CROCC: variants seen among roughly 807,000 people sequenced by gnomAD.
The protein encoded by CROCC is rootletin.
Under a neutral mutation model 245.2 loss-of-function variants are expected in CROCC, and 180 were observed. That is an observed-to-expected ratio of 0.73 (90% CI 0.65 to 0.83). The LOEUF (loss-of-function observed/expected upper bound fraction) is 0.83. Ranked by LOEUF, CROCC falls within the 40% of genes least tolerant of loss-of-function variation. CROCC has a pLI of 0.00. For synonymous variants in CROCC, 1,205 were observed against 1,241.6 expected, an observed-to-expected ratio of 0.97 and a Z score of 0.62; for missense variants, 2,688 against 2,779.4, an observed-to-expected ratio of 0.97 and a Z score of 0.74.
At chr1:16,916,764 T>C (rs1054392195) in intron 1 of CROCC, among the ~76,000 whole-genome samples, 7 of 152,290 alleles carry the variant, frequency 4.6e-5, no homozygotes, top group Non-Finnish European at 8.8e-5. Context: ...CCTCCTACCT[T>C]GGCCTCCCAA....
At position 16,946,903 on chromosome 1, in the gene CROCC, G is replaced by C. The variant is rs774725309; in HGVS notation, c.2426G>C (p.Arg809Pro). 3 of 1,563,888 alleles carry C rather than the reference G, an allele frequency of 1.9e-6. No individual in the cohort carries two copies. In the East Asian group the frequency reaches 7.1e-5, roughly 37 times the overall value. ...CGGCAGGGCCTGGAGGGCTCCCTACGAGTGGCGGAGCAGGCCCAGGAGGCA... is the reference window on the plus strand; with the variant it reads ...CGGCAGGGCCTGGAGGGCTCCCTACCAGTGGCGGAGCAGGCCCAGGAGGCA... ...VARQGLEGSL[R>P]VAEQAQEALE... Residue 809 changes from arginine (R) to proline (P), a missense_variant, in exon 17 of 37, where the codon CGA (arginine) becomes CCA (proline). Around this residue, in one of 9 missense-constraint regions of CROCC, gnomAD observed 295 missense variants for 241.7 expected, o/e 1.22. Coordinates refer to ENST00000375541, the MANE Select transcript of CROCC (RefSeq NM_014675.5).
chr1:16,943,304 G>A (rs1385414835), intron 13 of CROCC, among the ~76,000 whole-genome samples: 6 of 152,136 alleles, frequency 3.9e-5, no homozygotes, highest in African/African-American at 9.7e-5. Flanking sequence ...TTGGGAGGCC[G>A]AGGCGGGCAG....
At chr1:16,952,162 C>G (rs1557623390) in intron 20 of CROCC, among the ~76,000 whole-genome samples, 1 of 147,804 alleles carries the variant, frequency 6.8e-6, no homozygotes. Context: ...GCTGGGATTA[C>G]AGGCATGAGC....
intron 3 of CROCC, among the ~76,000 whole-genome samples, chr1:16,926,899 G>A (rs534686135): frequency 2.6e-5 from 4 of 152,294 alleles, no homozygotes; most frequent in African/African-American, 9.6e-5. Context: ...TGAATTGCAA[G>A]TAAAATTGAA....
chr1:16,954,921 C>A lies in CROCC; in HGVS notation c.3465+44C>A. 1 of 1,474,240 alleles carries A rather than the reference C, an allele frequency of 6.8e-7. No individual in the cohort carries two copies. Among genetic ancestry groups the A allele is most frequent in the Non-Finnish European group, 9.1e-7 (1 of 1,104,600 alleles). The allele number at this position is 1,474,240 out of a possible 1,614,324, so 91.3% of individuals were successfully genotyped here. On this transcript the variant is annotated intron_variant, in intron 23 of 36. Transcript: ENST00000375541. The surrounding 1 kb of genome is among the most constrained non-coding windows in gnomAD (Gnocchi z 4.4). Reference sequence around the variant, plus strand: ...CTTCCAAGCAGCATACCCTAAATGGCACTGTGTGCCTGGGGGCCTAGTTCC... The same window carrying A: ...CTTCCAAGCAGCATACCCTAAATGGAACTGTGTGCCTGGGGGCCTAGTTCC...
upstream of CROCC, among the ~76,000 whole-genome samples, chr1:16,919,919 T>C (rs2075367711): frequency 6.6e-6 from 1 of 152,262 alleles, no homozygotes. Context: ...TGAGACAGAC[T>C]CTTGCCCTGT....
intron 1 of CROCC, among the ~76,000 whole-genome samples, chr1:16,916,851 C>G (rs2075310792): frequency 6.6e-6 from 1 of 152,286 alleles, no homozygotes; most frequent in African/African-American, 2.4e-5. Flanking sequence ...GGCGCAGTGG[C>G]TCATGCCTAT....
chr1:16,968,629 T>C (rs553496082), intron 31 of CROCC, among the ~76,000 whole-genome samples: 2 of 152,360 alleles, frequency 1.3e-5, no homozygotes, highest in South Asian at 4.1e-4. Context: ...TCAGGACTAT[T>C]TGATGACAGC....
At chr1:16,971,235 G>A (rs953604432) in intron 35 of CROCC, among the ~76,000 whole-genome samples, 1 of 151,862 alleles carries the variant, frequency 6.6e-6, no homozygotes, top group East Asian at 1.9e-4. Flanking sequence ...GTGTGTGTGT[G>A]TGTGTGTGTG....
chr1:16,931,496 C>G (rs780840240), intron 8 of CROCC, 99 bp downstream of exon 8: 2 of 1,187,924 alleles, frequency 1.7e-6, no homozygotes, highest in Admixed American at 3.6e-5. Flanking sequence ...AACGCACTTA[C>G]TGTGCACAAG....
At chr1:16,972,301 C>G (rs1391940202) in intron 36 of CROCC, 59 bp from the exon 37 acceptor site, 6 of 1,394,954 alleles carry the variant, frequency 4.3e-6, no homozygotes, top group African/African-American at 1.4e-5. Flanking sequence ...CCTGCTGCCT[C>G]CCTTTCTCTG....
At chr1:16,924,212 A>G (rs1030375140) in intron 2 of CROCC, 113 bp from the exon 3 acceptor site, 3 of 1,326,182 alleles carry the variant, frequency 2.3e-6, no homozygotes, top group African/African-American at 1.4e-5. Context: ...TGCTGCAGCC[A>G]TTCCCATCTG....
At position 16,925,228 on chromosome 1, in the gene CROCC, G is replaced by A. The variant is rs1570587795; in HGVS notation, c.351+749G>A. On this transcript the variant is annotated intron_variant, in intron 3 of 36. Transcript: ENST00000375541. Reference sequence around the variant, plus strand: ...ACAGAGTGTATGTGTGCAGATGAGAGGCATGCAGGTGGCAATAACGTATTA... The same window carrying A: ...ACAGAGTGTATGTGTGCAGATGAGAAGCATGCAGGTGGCAATAACGTATTA... 2.6e-5 allele frequency among the ~76,000 whole-genome samples: 4 copies of A among 152,288 alleles called. No homozygotes were observed. The South Asian group carries it at 8.3e-4, about 31-fold the overall frequency.
chr1:16,951,869 T>A (rs1557622951), intron 20 of CROCC: 1 of 156,940 alleles, frequency 6.4e-6, no homozygotes, highest in Non-Finnish European at 1.4e-5. Context: ...CTCCAGGAGG[T>A]GGCGGTAAAG....
In CROCC at chr1:16,931,399, T is replaced by C. The variant is rs1437886847; in HGVS notation, c.956+2T>C. 6.2e-7 allele frequency: 1 copy of C among 1,609,630 alleles called. No individual in the cohort carries two copies. The highest frequency in any genetic ancestry group is 1.1e-5 in the South Asian group (1 of 90,788). ...CGAGGTGAAGATGTTCACTGAGAGG[T>C]GAGGCCTGGCCGGGGACGGGGCAGC... is the stretch of plus-strand genomic sequence containing the variant. On this transcript the variant is annotated splice_donor_variant, in intron 8 of 36. Transcript: ENST00000375541. LOFTEE classifies it high-confidence loss of function.
chr1:16,948,465 G>A lies in CROCC; in HGVS notation c.2649G>A (p.Val883=). The A allele has an allele frequency of 6.4e-7, 1 of 1,558,566 alleles. No homozygotes were observed. Among genetic ancestry groups the A allele is most frequent in the South Asian group, 1.2e-5 (1 of 84,808 alleles). The stretch of plus-strand genomic sequence containing the variant: ...CCAAGGAGCACGCTGGCCTGGCTGT[G>A]CAGCTGGTGGCTGCGGAGCGTGAAG... ...ALAKEHAGLA[V]QLVAAEREGR... Residue 883 remains valine, a synonymous_variant, in exon 18 of 37, where the codon GTG becomes GTA. Transcript: ENST00000375541.
intron 4 of CROCC, 34 bp downstream of exon 4, chr1:16,930,065 A>G: frequency 1.3e-6 from 2 of 1,567,952 alleles, no homozygotes; most frequent in African/African-American, 2.7e-5. Flanking sequence ...CTGTCCTCCC[A>G]CCTGTTCACT....
chr1:16,962,492 G>A lies in CROCC; in HGVS notation c.4405+1362G>A, dbSNP rs1448984566. ...GGAGCTTGCAGTGAGCTGAGATCCC[G>A]CCACTGCACTCCAGCCTGGGCGACA... On this transcript the variant is annotated intron_variant, in intron 27 of 36. Coordinates refer to ENST00000375541, the MANE Select transcript of CROCC (RefSeq NM_014675.5). Among the ~76,000 whole-genome samples the A allele has an allele frequency of 4.1e-4, 56 of 135,984 alleles. 1 individual carries two copies. Among genetic ancestry groups the A allele is most frequent in the Non-Finnish European group, 9.2e-5 (6 of 65,556 alleles). The allele number at this position is 135,984 out of a possible 152,430, so 89.2% of individuals were successfully genotyped here.
At chr1:16,935,100 A>G (rs1194701357) in intron 8 of CROCC, among the ~76,000 whole-genome samples, 3 of 152,168 alleles carry the variant, frequency 2.0e-5, no homozygotes, top group Admixed American at 1.3e-4. Context: ...GGGTTTTGCC[A>G]TGTTGGCCAG....
Sources: allele counts gnomAD v4.1 joint callset (sites outside exome capture counted in the v4.1 genomes callset), GRCh38; gene constraint gnomAD v4.1.1; regional missense constraint gnomAD v4.1.1; non-coding constraint Gnocchi (gnomAD v3.1); transcripts MANE v1.5; gene names NCBI Gene and HGNC (gene_info 2026-07-23, HGNC 2026-07-21).